The following NSD1 variants were observed in gnomAD, a reference collection of about 807,000 sequenced individuals.
NSD1 encodes the protein histone-lysine N-methyltransferase, H3 lysine-36 specific.
A neutral mutation model predicts 242.7 loss-of-function variants in NSD1; 26 were observed. The observed-to-expected ratio is 0.11, with a 90% CI of 0.08 to 0.15. NSD1 has a LOEUF of 0.15. Among genes scored for constraint, NSD1 ranks in the 10% least tolerant of loss-of-function variants. The pLI is 1.00. For synonymous variants in NSD1, 1,106 were observed against 1,178.1 expected (o/e 0.94, Z 1.25); for missense variants, 2,495 against 3,272.8 (o/e 0.76, Z 5.80).
chr5:177,149,718 A>G (rs753081483), intron 2 of NSD1, among the ~76,000 whole-genome samples: 6 of 152,052 alleles, frequency 3.9e-5, no homozygotes, highest in Non-Finnish European at 8.8e-5. Flanking sequence ...GCAGTTCACA[A>G]TAGGGTTCAT....
At chr5:177,207,609 T>TTTTTTTTTTTTTC in intron 4 of NSD1, among the ~76,000 whole-genome samples, 1 of 144,178 alleles carries the variant, frequency 6.9e-6, no homozygotes, top group Non-Finnish European at 1.5e-5. Flanking sequence ...TTTTTTTTTT[T>TTTTTTTTTTTTTC]TTTTTTTTTT....
rs188745552 is a variant in NSD1, at chr5:177,138,498, C to T, written c.927+2468C>T. On this transcript the variant is annotated intron_variant, in intron 2 of 22. Transcript: ENST00000439151. ...CTTGAACTCCTGACCTCAGGTGATC[C>T]GCCCACCTTGGCCTCCCAAAGTGCT... is the stretch of plus-strand genomic sequence containing the variant. 6.9e-3 allele frequency among the ~76,000 whole-genome samples: 1,053 copies of T among 152,192 alleles called. 8 individuals carry two copies. The highest frequency in any genetic ancestry group is 0.026 in the South Asian group (127 of 4,820).
rs551868710 is a variant in NSD1, at chr5:177,146,310, A to G, written c.927+10280A>G. Among the ~76,000 whole-genome samples, 12 of 150,270 alleles carry G rather than the reference A, an allele frequency of 8.0e-5. No individual in the cohort carries two copies. The East Asian group carries it at 1.8e-3, about 22-fold the overall frequency. On this transcript the variant is annotated intron_variant, in intron 2 of 22. Transcript: ENST00000439151. ...AACCTCCACCTCCTGGGTTCAAGCA[A>G]TTCTCCTGCCTCAGCCTCCTGAGTA...
intron 2 of NSD1, chr5:177,137,079 A>G (rs1756401135): frequency 2.4e-6 from 1 of 418,298 alleles, no homozygotes; most frequent in Non-Finnish European, 4.2e-6. Context: ...TTAGAGGGTG[A>G]TAAATGATAA....
chr5:177,245,246 T>G (rs554307019), intron 9 of NSD1, among the ~76,000 whole-genome samples: 1 of 152,190 alleles, frequency 6.6e-6, no homozygotes, highest in Non-Finnish European at 1.5e-5. Flanking sequence ...AAAATAATAG[T>G]AGTAATAATA....
In NSD1 at chr5:177,259,394, G is replaced by C. The variant is rs937393094; in HGVS notation, c.4967-595G>C. Among the ~76,000 whole-genome samples, 67 of 152,062 alleles carry C rather than the reference G, an allele frequency of 4.4e-4. 3 individuals carry two copies. On this transcript the variant is annotated intron_variant, in intron 13 of 22. Coordinates refer to ENST00000439151, the MANE Select transcript of NSD1 (RefSeq NM_022455.5). Reference sequence around the variant, plus strand: ...CTTGGGAAGGTAAAGCAGGAAGTGGGAAGACTGTTTGAGCACACAGACTTT... The same window carrying C: ...CTTGGGAAGGTAAAGCAGGAAGTGGCAAGACTGTTTGAGCACACAGACTTT...
chr5:177,159,908 T>A (rs1309537792), intron 2 of NSD1, among the ~76,000 whole-genome samples: 4 of 150,226 alleles, frequency 2.7e-5, no homozygotes, highest in East Asian at 2.0e-4. Flanking sequence ...TTTTTTTTTT[T>A]AAATGGAGTC....
intron 8 of NSD1, among the ~76,000 whole-genome samples, chr5:177,241,164 A>G (rs562781040): frequency 6.6e-6 from 1 of 152,054 alleles, no homozygotes; most frequent in Non-Finnish European, 1.5e-5. Context: ...GTTCTCCCCC[A>G]TATTGATGTC....
rs1759485178 is a variant in NSD1, at chr5:177,169,209, T to C, written c.928-22675T>C. Among the ~76,000 whole-genome samples the C allele has an allele frequency of 2.0e-5, 3 of 152,132 alleles. No individual in the cohort carries two copies. In the South Asian group the frequency reaches 6.2e-4, roughly 32 times the overall value. On this transcript the variant is annotated intron_variant, in intron 2 of 22. Transcript: ENST00000439151. Reference sequence around the variant, plus strand: ...TGGGAAGTGCTTTGGAGCTGCTGCTTAAGTCTATCCACTGAGCTGGTCATT... The same window carrying C: ...TGGGAAGTGCTTTGGAGCTGCTGCTCAAGTCTATCCACTGAGCTGGTCATT...
intron 2 of NSD1, among the ~76,000 whole-genome samples, chr5:177,175,610 CAG>C (rs1760126353): frequency 6.6e-6 from 1 of 152,094 alleles, no homozygotes; most frequent in Non-Finnish European, 1.5e-5. Context: ...GCCTGAGTGA[CAG>C]AGTGAGAATC....
intron 2 of NSD1, among the ~76,000 whole-genome samples, chr5:177,144,887 C>T (rs2149768629): frequency 6.6e-6 from 1 of 152,000 alleles, no homozygotes; most frequent in South Asian, 2.1e-4. Context: ...TCAAGACCAG[C>T]CTGGCCAACG....
intron 13 of NSD1, 72 bp downstream of exon 13, chr5:177,257,223 T>C: frequency 3.2e-6 from 4 of 1,234,928 alleles, no homozygotes; most frequent in Non-Finnish European, 4.5e-6. Context: ...TTTTCTTTTT[T>C]CTTTCTTTTT....
At position 177,299,538 on chromosome 5, in the gene NSD1, C is replaced by T. The variant is rs1760458035; in HGVS notation, c.*4079C>T. On this transcript the variant is annotated 3_prime_UTR_variant, in exon 23 of 23. Transcript: ENST00000439151. ...TCAGCTCCCTTCTGCCCCTCTCTAC[C>T]TCTTCCACTCATGGAAGCCCCTCTA... 4.3e-6 allele frequency: 1 copy of T among 233,338 alleles called. No homozygotes were observed. Among genetic ancestry groups the T allele is most frequent in the Non-Finnish European group, 8.5e-6 (1 of 118,058 alleles). The allele number at this position is 233,338 out of a possible 1,614,324, so 14.5% of individuals were successfully genotyped here.
At chr5:177,289,592 TTCTC>T (rs1054254263) in intron 21 of NSD1, among the ~76,000 whole-genome samples, 3 of 152,118 alleles carry the variant, frequency 2.0e-5, no homozygotes, top group Non-Finnish European at 2.9e-5. Context: ...GTCCCTGTCT[TTCTC>T]TCACTTTCTC....
chr5:177,265,664 T>C lies in NSD1; in HGVS notation c.5147-1898T>C, dbSNP rs1050538177. ...GAAGTCCCGGTCCCAGTTCTTGGCG[T>C]TGGGCCGCATGCCGATGGTGCCGAA... On this transcript the variant is annotated intron_variant, in intron 14 of 22. Coordinates refer to ENST00000439151, the MANE Select transcript of NSD1 (RefSeq NM_022455.5). 55 of 1,609,398 alleles carry C rather than the reference T, an allele frequency of 3.4e-5. No homozygotes were observed. In the African/African-American group the frequency reaches 5.6e-4, roughly 16 times the overall value.
intron 2 of NSD1, among the ~76,000 whole-genome samples, chr5:177,140,675 T>C (rs544081166): frequency 9.8e-4 from 149 of 152,038 alleles, no homozygotes; most frequent in African/African-American, 3.3e-3. Flanking sequence ...AATGAGATTC[T>C]GTCTCTTAAA....
chr5:177,215,878 A>G (rs1050626155), intron 5 of NSD1, among the ~76,000 whole-genome samples: 1 of 151,960 alleles, frequency 6.6e-6, no homozygotes, highest in East Asian at 1.9e-4. Flanking sequence ...ATATGTTTTT[A>G]ATGATACTGG....
rs1271334046 is a variant in NSD1 at position 177,134,283 on chromosome 5, G to T, written c.-18+331G>T. 1 of 151,966 alleles carries T rather than the reference G, an allele frequency of 6.6e-6. No homozygotes were observed. The highest frequency in any genetic ancestry group is 1.5e-5 in the Non-Finnish European group (1 of 67,982). 9.4% of individuals were successfully genotyped at this position (151,966 alleles called of 1,614,324 possible). ...GGGGCGCGGGGCCGGCTGCCCTCCCGCAGCAAACTTTGCTTGCTGCTGAAT... is the reference window on the plus strand; with the variant it reads ...GGGGCGCGGGGCCGGCTGCCCTCCCTCAGCAAACTTTGCTTGCTGCTGAAT... On this transcript the variant is annotated intron_variant, in intron 1 of 22. Transcript: ENST00000439151. The surrounding 1 kb of genome is among the most constrained non-coding windows in gnomAD (Gnocchi z 4.2).
At chr5:177,279,532 G>A (rs1288078809) in intron 17 of NSD1, among the ~76,000 whole-genome samples, 2 of 150,068 alleles carry the variant, frequency 1.3e-5, no homozygotes, top group Non-Finnish European at 3.0e-5. Flanking sequence ...CTATTTTTTT[G>A]TAGCAGCAAA....
Sources: gnomAD v4.1 joint callset for allele counts (sites outside exome capture counted in the v4.1 genomes callset) on GRCh38, gnomAD v4.1.1 for gene constraint, Gnocchi (gnomAD v3.1) non-coding constraint, MANE v1.5 for transcripts, NCBI Gene and HGNC (gene_info 2026-07-23, HGNC 2026-07-21) for gene names.